Variants in ABCA10 observed in about 807,000 individuals in gnomAD.
ABCA10 encodes ATP-binding cassette sub-family A member 10.
ABCA10 carries 169 observed loss-of-function variants against 187.5 expected under a neutral mutation model. The ratio of observed to expected loss-of-function variants is 0.90; its 90% confidence interval spans 0.80 to 1.02. The LOEUF (loss-of-function observed/expected upper bound fraction) is 1.02, where lower values mean the gene tolerates loss of function less well. ABCA10 is among the 50% of genes least tolerant of loss of function. The pLI is 0.00. For missense variants in ABCA10, 1,727 were observed against 1,812.4 expected, an observed-to-expected ratio of 0.95 and a Z score of 0.86; for synonymous variants, 574 against 601.8, an observed-to-expected ratio of 0.95 and a Z score of 0.68.
At chr17:69,193,282 T>G in intron 14 of ABCA10, 34 bp from the exon 15 acceptor site, 1 of 1,603,848 alleles carries the variant, frequency 6.2e-7, no homozygotes, top group Non-Finnish European at 8.5e-7. Flanking sequence ...AGCATCTTCC[T>G]CTTCACAGTG....
At chr17:69,211,314 G>GAGAT (rs1491300199) in intron 9 of ABCA10, among the ~76,000 whole-genome samples, 2 of 30,352 alleles carry the variant, frequency 6.6e-5, no homozygotes, top group East Asian at 1.6e-3. Context: ...TCATATATAT[G>GAGAT]ATATATATAT....
At chr17:69,223,377 C>T (rs1016964402) in intron 3 of ABCA10, among the ~76,000 whole-genome samples, 2 of 152,050 alleles carry the variant, frequency 1.3e-5, no homozygotes, top group South Asian at 2.1e-4. Context: ...AGGTCAAGAA[C>T]ACTCTCTAAG....
intron 18 of ABCA10, 54 bp downstream of exon 18, chr17:69,190,303 TC>T: frequency 6.7e-7 from 1 of 1,490,296 alleles, no homozygotes; most frequent in Non-Finnish European, 8.9e-7. Context: ...TAGAACATCA[TC>T]TTTTTCTCTT....
chr17:69,184,337 G>A (rs376734117), intron 20 of ABCA10, among the ~76,000 whole-genome samples: 3 of 151,848 alleles, frequency 2.0e-5, no homozygotes, highest in East Asian at 1.9e-4. Context: ...TTATCCAGGC[G>A]ACCCTAGGGC....
Position 69,193,225 on chromosome 17 carries a change from A to G in ABCA10, c.1665T>C (p.Thr555=), listed in dbSNP as rs777416778. ...GTCTTGAAAAGGGATCCAATCCAGC[A>G]GTTGGTTCATCTAGCAGCAAAACCT... The part of the protein sequence containing the change: ...DPQVLLLDEP[T]AGLDPFSRHR... The change falls in exon 15 of 39, where the codon ACT becomes ACC. Residue 555 remains threonine, a synonymous_variant. Coordinates refer to ENST00000690296, the MANE Select transcript of ABCA10 (RefSeq NM_001377321.1). The G allele has an allele frequency of 6.2e-7, 1 of 1,613,836 alleles. No individual in the cohort carries two copies. The highest frequency in any genetic ancestry group is 1.1e-5 in the South Asian group (1 of 91,010).
chr17:69,240,584 C>A (rs944876123), intron 1 of ABCA10, among the ~76,000 whole-genome samples: 2 of 152,244 alleles, frequency 1.3e-5, no homozygotes, highest in South Asian at 2.1e-4. Context: ...AATGCAATTT[C>A]TTTAGTAAAT....
intron 3 of ABCA10, among the ~76,000 whole-genome samples, chr17:69,223,070 G>A (rs1458648244): frequency 6.6e-6 from 1 of 151,910 alleles, no homozygotes; most frequent in Non-Finnish European, 1.5e-5. Flanking sequence ...GAGGGGGTAG[G>A]GGAGGAGAGG....
intron 3 of ABCA10, among the ~76,000 whole-genome samples, chr17:69,222,981 T>C (rs2074761852): frequency 6.8e-6 from 1 of 147,238 alleles, no homozygotes; most frequent in Admixed American, 7.1e-5. Flanking sequence ...TATGTAAGCA[T>C]AGAAACATAC....
chr17:69,219,406 T>A (rs2074729164), intron 6 of ABCA10, 139 bp downstream of exon 6: 1 of 544,660 alleles, frequency 1.8e-6, no homozygotes. Context: ...ACTGCAAGCA[T>A]CTTAAACTCT....
chr17:69,179,175 T>G (rs1387006580), intron 22 of ABCA10, among the ~76,000 whole-genome samples: 1 of 141,482 alleles, frequency 7.1e-6, no homozygotes, highest in African/African-American at 2.6e-5. Context: ...AGAGCAAAAC[T>G]CCATCTCAAA....
chr17:69,238,212 G>A (rs548304747), intron 1 of ABCA10, among the ~76,000 whole-genome samples: 2 of 151,856 alleles, frequency 1.3e-5, no homozygotes, highest in Non-Finnish European at 1.5e-5. Context: ...AAAGAGGCAT[G>A]GAACTGATTC....
chr17:69,192,413 T>G, intron 16 of ABCA10, 150 bp downstream of exon 16: 1 of 601,284 alleles, frequency 1.7e-6, no homozygotes, highest in Non-Finnish European at 2.8e-6. Flanking sequence ...AGAAAGGAAA[T>G]GTTAATGAGG....
intron 22 of ABCA10, among the ~76,000 whole-genome samples, chr17:69,179,261 T>C (rs1168243697): frequency 6.6e-6 from 1 of 151,498 alleles, no homozygotes; most frequent in Non-Finnish European, 1.5e-5. Context: ...TAGAACCCCA[T>C]GTAAGAGACC....
chr17:69,182,061 A>T (rs1164310762), intron 22 of ABCA10, 92 bp downstream of exon 22: 1 of 1,268,506 alleles, frequency 7.9e-7, no homozygotes, highest in African/African-American at 1.5e-5. Context: ...AGTGGCAGAA[A>T]CAAGATTTGA....
intron 18 of ABCA10, 69 bp from the exon 19 acceptor site, chr17:69,187,948 A>G (rs2074434642): frequency 7.0e-7 from 1 of 1,424,856 alleles, no homozygotes; most frequent in Non-Finnish European, 9.7e-7. Flanking sequence ...AACTTTGAAA[A>G]TGATGTTAGA....
intron 25 of ABCA10, among the ~76,000 whole-genome samples, chr17:69,170,317 T>G (rs950584772): frequency 1.1e-4 from 17 of 151,850 alleles, no homozygotes; most frequent in Non-Finnish European, 2.4e-4. Flanking sequence ...CGTTACATTT[T>G]GTAAATCTAA....
At chr17:69,195,036 T>C (rs2074487856) in intron 11 of ABCA10, among the ~76,000 whole-genome samples, 1 of 152,216 alleles carries the variant, frequency 6.6e-6, no homozygotes, top group Non-Finnish European at 1.5e-5. Flanking sequence ...TTTAGAAATA[T>C]CTGCTGGGAT....
intron 36 of ABCA10, 27 bp from the exon 37 acceptor site, chr17:69,150,090 T>A (rs765544669): frequency 1.3e-6 from 2 of 1,551,512 alleles, no homozygotes; most frequent in Admixed American, 3.5e-5. Flanking sequence ...TGAGATTTAT[T>A]ACTAAGTTTC....
At chr17:69,170,576 C>T (rs1257089152) in intron 25 of ABCA10, among the ~76,000 whole-genome samples, 1 of 152,112 alleles carries the variant, frequency 6.6e-6, no homozygotes, top group Non-Finnish European at 1.5e-5. Flanking sequence ...CTTCCATCTG[C>T]TACAAACTGT....
Sources: gnomAD v4.1 joint callset for allele counts (sites outside exome capture counted in the v4.1 genomes callset) on GRCh38, gnomAD v4.1.1 for gene constraint, MANE v1.5 for transcripts, NCBI Gene and HGNC (gene_info 2026-07-23, HGNC 2026-07-21) for gene names.